Variants in RPL3 observed in about 807,000 individuals in gnomAD.
RPL3 encodes large ribosomal subunit protein uL3.
In RPL3, 3 loss-of-function variants were observed where a neutral mutation model predicts 46.0. That is an observed-to-expected ratio of 0.07 (90% CI 0.03 to 0.17). The LOEUF (loss-of-function observed/expected upper bound fraction) is 0.17. Ranked by LOEUF, RPL3 falls within the 10% of genes least tolerant of loss-of-function variation. The probability of loss-of-function intolerance (pLI) is 1.00; values close to 1 mark genes in which losing one functional copy is unlikely to be tolerated. For missense variants in RPL3, 387 were observed against 532.7 expected, an observed-to-expected ratio of 0.73 and a Z score of 2.69; for synonymous variants, 224 against 190.8, an observed-to-expected ratio of 1.17 and a Z score of -1.43.
At chr22:39,319,352 A>G (rs1380123710) in intron 1 of RPL3, 1 of 613,882 alleles carries the variant, frequency 1.6e-6, no homozygotes, top group African/African-American at 1.9e-5. Flanking sequence ...CCGGGCCTCC[A>G]AGCCTGCTCC....
chr22:39,314,554 G>GAGA lies in RPL3; in HGVS notation c.849+129_849+131dup, dbSNP rs1922559167. ...ATCAAGATGGGCCAGAACTGACCAT[G>GAGA]AGAAGCAAGCCACTGATGTCCACGT... is the stretch of plus-strand genomic sequence containing the variant. On this transcript the variant is annotated intron_variant, in intron 6 of 9. Coordinates refer to ENST00000216146, the MANE Select transcript of RPL3 (RefSeq NM_000967.4). The GAGA allele has an allele frequency of 3.6e-6, 4 of 1,120,590 alleles. No individual in the cohort carries two copies. In the African/African-American group the frequency reaches 6.2e-5, roughly 17 times the overall value. The allele number at this position is 1,120,590 out of a possible 1,614,324, so 69.4% of individuals were successfully genotyped here.
At chr22:39,315,160 G>A in intron 5 of RPL3, 1 of 841,886 alleles carries the variant, frequency 1.2e-6, no homozygotes, top group Non-Finnish European at 2.0e-6. Flanking sequence ...CCAGGAACGT[G>A]TTAAGAAGTT....
chr22:39,318,840 T>C (rs561227538), intron 1 of RPL3, among the ~76,000 whole-genome samples: 2 of 152,204 alleles, frequency 1.3e-5, no homozygotes, highest in South Asian at 2.1e-4. Flanking sequence ...CCATTTTTTT[T>C]ATCTAACCAC....
intron 3 of RPL3, 62 bp downstream of exon 3, chr22:39,317,399 C>T (rs892094868): frequency 1.1e-5 from 17 of 1,559,356 alleles, no homozygotes; most frequent in Non-Finnish European, 1.4e-5. Flanking sequence ...CATGCACACG[C>T]TGCTCCCTGC....
At chr22:39,316,581 G>A (rs1922705524) in intron 4 of RPL3, 125 bp downstream of exon 4, 1 of 1,252,134 alleles carries the variant, frequency 8.0e-7, no homozygotes, top group South Asian at 1.3e-5. Context: ...GGCCAGTAAG[G>A]ACACAGTGCC....
At position 39,318,598 on chromosome 22, in the gene RPL3, T is replaced by C. The variant is rs1291666457; in HGVS notation, c.4-6A>G. 6.2e-7 allele frequency: 1 copy of C among 1,602,138 alleles called. No individual in the cohort carries two copies. Among genetic ancestry groups the C allele is most frequent in the Non-Finnish European group, 8.5e-7 (1 of 1,174,392 alleles). On this transcript the variant is annotated splice_polypyrimidine_tract_variant and splice_region_variant and intron_variant, in intron 1 of 9. Coordinates refer to ENST00000216146, the MANE Select transcript of RPL3 (RefSeq NM_000967.4). The stretch of plus-strand genomic sequence containing the variant: ...GCGGAGAACTTTCTGTGAGACTAGG[T>C]GGGAAAAAAATCACCGTCAGCACCC...
intron 3 of RPL3, 111 bp from the exon 4 acceptor site, chr22:39,316,952 G>A (rs770180858): frequency 9.7e-6 from 15 of 1,548,206 alleles, no homozygotes; most frequent in South Asian, 4.5e-5. Flanking sequence ...GCTCATTGCC[G>A]GCTTCTAAGG....
At chr22:39,314,599 G>A in intron 6 of RPL3, 87 bp downstream of exon 6, 1 of 1,441,148 alleles carries the variant, frequency 6.9e-7, no homozygotes, top group Non-Finnish European at 9.4e-7. Context: ...GCTACAGTCA[G>A]TGAAGCAGCA....
chr22:39,315,542 G>A lies in RPL3; in HGVS notation c.515C>T (p.Pro172Leu). ...VIAHTQMRLL[P>L]LRQKKAHLME... ...CAGGTGGGCCTTCTTCTGGCGCAGA[G>A]GAAGCAGGCGCATCTAGGAGAAGGT... Residue 172 changes from proline to leucine, a missense_variant, in exon 5 of 10, where the codon CCT becomes CTT. Around this residue, in one of 5 missense-constraint regions of RPL3, gnomAD observed 196 missense variants for 217.5 expected, o/e 0.90. Transcript: ENST00000216146. The A allele has an allele frequency of 6.2e-7, 1 of 1,614,086 alleles. No homozygotes were observed. The highest frequency in any genetic ancestry group is 8.5e-7 in the Non-Finnish European group (1 of 1,180,044).
At chr22:39,318,280 C>T (rs895475616) in intron 2 of RPL3, 120 bp downstream of exon 2, 2 of 981,336 alleles carry the variant, frequency 2.0e-6, no homozygotes, top group Non-Finnish European at 3.0e-6. Context: ...GCAGTTCTGA[C>T]AACGTGTAAC....
chr22:39,319,198 C>A, intron 1 of RPL3: 1 of 543,870 alleles, frequency 1.8e-6, no homozygotes, highest in Non-Finnish European at 3.6e-6. Flanking sequence ...CTCCCCCAAG[C>A]TTCTTTACCT....
intron 2 of RPL3, chr22:39,318,081 C>A: frequency 2.6e-6 from 1 of 384,586 alleles, no homozygotes; most frequent in Non-Finnish European, 4.8e-6. Context: ...ATGAATGAGG[C>A]AGTTCTTATG....
chr22:39,313,860 CTG>C (rs1922512853), intron 7 of RPL3, 131 bp from the exon 8 acceptor site: 2 of 944,022 alleles, frequency 2.1e-6, no homozygotes, highest in East Asian at 2.4e-5. Context: ...GTTCCGCAGT[CTG>C]TCTCGGGCGC....
chr22:39,315,070 C>T, intron 5 of RPL3: 1 of 698,406 alleles, frequency 1.4e-6, no homozygotes, highest in Admixed American at 2.5e-5. Flanking sequence ...TTAGTTTAAG[C>T]TCCCCCATTC....
chr22:39,318,584 T>C lies in RPL3; in HGVS notation c.12A>G (p.Arg4=). ...ACCCATGTCTGGGAGCGGAGAACTTTCTGTGAGACTAGGTGGGAAAAAAAT... is the reference window on the plus strand; with the variant it reads ...ACCCATGTCTGGGAGCGGAGAACTTCCTGTGAGACTAGGTGGGAAAAAAAT... MSH[R]KFSAPRHGSL... Residue 4 remains arginine (R), a synonymous_variant, in exon 2 of 10, where the codon AGA becomes AGG. Transcript: ENST00000216146. 6.2e-7 allele frequency: 1 copy of C among 1,609,662 alleles called. No homozygotes were observed. Among genetic ancestry groups the C allele is most frequent in the South Asian group, 1.1e-5 (1 of 90,600 alleles).
At position 39,314,218 on chromosome 22, in the gene RPL3, CAAG is replaced by C. The variant is rs572353221; in HGVS notation, c.850-13_850-11del. The C allele has an allele frequency of 3.9e-4, 628 of 1,611,318 alleles. 6 individuals are homozygous for C. The South Asian group carries it at 5.3e-3, about 14-fold the overall frequency. Reference sequence around the variant, plus strand: ...GGCCAATCTTATAAATCTGAATGAACAAGAAGGGTGTAAGGCTGGGGCATTAGG... The same window carrying C: ...GGCCAATCTTATAAATCTGAATGAACAAGGGTGTAAGGCTGGGGCATTAGG... On this transcript the variant is annotated splice_polypyrimidine_tract_variant and intron_variant, in intron 6 of 9. Transcript: ENST00000216146.
rs1346365343 is a variant in RPL3, at chr22:39,318,462, G to C, written c.134C>G (p.Ala45Gly). ...DDPSKPVHLT[A>G]FLGYKAGMTH... The stretch of plus-strand genomic sequence containing the variant: ...CATGCCAGCCTTGTATCCCAGGAAG[G>C]CTGTGAGGTGGACCGGCTTGGACGG... The change falls in exon 2 of 10, where the codon GCC (alanine) becomes GGC (glycine). Residue 45 changes from alanine to glycine, a missense_variant. Physicochemically the swap from Ala to Gly is moderately conservative, Grantham distance 60. Transcript: ENST00000216146. 8 of 1,614,040 alleles carry C rather than the reference G, an allele frequency of 5.0e-6. No homozygotes were observed. The South Asian group carries it at 8.8e-5, about 18-fold the overall frequency.
intron 3 of RPL3, chr22:39,317,212 G>A: frequency 1.7e-6 from 1 of 574,554 alleles, no homozygotes. Flanking sequence ...GTTTCTAGTT[G>A]GACTCCTCAA....
At position 39,312,965 on chromosome 22, in the gene RPL3, C is replaced by T. The variant is rs769973448; in HGVS notation, c.1187G>A (p.Arg396Gln). Residue 396 changes from arginine (R) to glutamine (Q), a missense_variant, in exon 10 of 10, where the codon CGA becomes CAA. Physicochemically the swap from Arg to Gln is conservative, Grantham distance 43. Transcript: ENST00000216146. ...TTAAGCTCCTTCTTCCTTTGCAATT[C>T]GGTCTTTCTTCAGTGGTCCCTGTGG... Reference protein sequence around the residue: ...KAFMGPLKKDRIAKEEGA With the variant: ...KAFMGPLKKDQIAKEEGA 9.3e-6 allele frequency: 15 copies of T among 1,614,158 alleles called. No homozygotes were observed. Among genetic ancestry groups the T allele is most frequent in the Non-Finnish European group, 1.1e-5 (13 of 1,179,988 alleles).
Sources: allele counts gnomAD v4.1 joint callset (sites outside exome capture counted in the v4.1 genomes callset), GRCh38; gene constraint gnomAD v4.1.1; regional missense constraint gnomAD v4.1.1; transcripts MANE v1.5; gene names NCBI Gene and HGNC (gene_info 2026-07-23, HGNC 2026-07-21).